CNKSR2: variants seen among roughly 807,000 people sequenced by gnomAD.
CNKSR2 encodes the protein CNK homolog protein 2.
CNKSR2 carries 14 observed loss-of-function variants against 84.4 expected under a neutral mutation model. The ratio of observed to expected loss-of-function variants is 0.17; its 90% CI spans 0.11 to 0.26. CNKSR2 has a LOEUF of 0.26. Ranked by LOEUF, CNKSR2 falls within the 10% of genes least tolerant of loss-of-function variation. The pLI is 1.00. For synonymous variants in CNKSR2, 275 were observed against 277.9 expected (o/e 0.99, Z 0.10); for missense variants, 485 against 771.2 (o/e 0.63, Z 4.40).
intron 20 of CNKSR2, chrX:21,641,909 A>C: frequency 1.2e-6 from 1 of 808,125 alleles, no homozygotes; most frequent in Non-Finnish European, 1.5e-6. Context: ...TCTGTGGGAG[A>C]ACAGAAGGGG....
intron 21 of CNKSR2, among the ~76,000 whole-genome samples, chrX:21,650,138 T>C (rs1229721313): frequency 5.4e-5 from 6 of 111,442 alleles, no homozygotes; most frequent in African/African-American, 2.0e-4. Context: ...ATGTTTATTG[T>C]GGCACTGTTC....
At chrX:21,391,403 A>T (rs1056766484) in intron 1 of CNKSR2, among the ~76,000 whole-genome samples, 4 of 112,443 alleles carry the variant, frequency 3.6e-5, no homozygotes, top group Non-Finnish European at 5.6e-5. Context: ...CCCAAGCCTC[A>T]ACTCTTACCC....
intron 10 of CNKSR2, among the ~76,000 whole-genome samples, chrX:21,529,393 ATTTCT>A (rs1484326968): frequency 1.8e-5 from 2 of 111,077 alleles, no homozygotes; most frequent in African/African-American, 6.5e-5. Flanking sequence ...ACTTAACCAA[ATTTCT>A]TTTTCTATGA....
intron 13 of CNKSR2, among the ~76,000 whole-genome samples, chrX:21,574,511 C>G (rs2092306784): frequency 8.9e-6 from 1 of 111,802 alleles, no homozygotes; most frequent in African/African-American, 3.3e-5. Flanking sequence ...TGTCTTTCTT[C>G]ACATGGTGAC....
intron 11 of CNKSR2, among the ~76,000 whole-genome samples, chrX:21,534,817 T>A (rs1194123861): frequency 9.0e-6 from 1 of 111,352 alleles, no homozygotes; most frequent in Non-Finnish European, 1.9e-5. Flanking sequence ...TTGAGTTCCT[T>A]GCATATTCTG....
intron 2 of CNKSR2, among the ~76,000 whole-genome samples, chrX:21,431,823 TAGATA>T (rs747760808): frequency 1.1e-4 from 12 of 111,672 alleles, no homozygotes; most frequent in Middle Eastern, 9.3e-3. Context: ...TAAAGTATAA[TAGATA>T]AGATATTTAG....
At chrX:21,579,057 T>C (rs1476598188) in intron 13 of CNKSR2, among the ~76,000 whole-genome samples, 1 of 112,069 alleles carries the variant, frequency 8.9e-6, no homozygotes, top group Non-Finnish European at 1.9e-5. Context: ...ACCTGGCTGC[T>C]GACTCACACC....
intron 13 of CNKSR2, among the ~76,000 whole-genome samples, chrX:21,578,793 G>T (rs190094530): frequency 8.9e-6 from 1 of 111,832 alleles, no homozygotes; most frequent in Non-Finnish European, 1.9e-5. Context: ...TCTCTAAGTG[G>T]CATGGAATAA....
chrX:21,470,092 A>G (rs915295293), intron 4 of CNKSR2, among the ~76,000 whole-genome samples: 3 of 111,628 alleles, frequency 2.7e-5, no homozygotes, highest in Non-Finnish European at 5.6e-5. Context: ...CCATAGAAAC[A>G]TTGTCTCTAA....
Position 21,387,731 on chromosome X carries a change from T to G in CNKSR2, c.64+12770T>G, listed in dbSNP as rs895839415. Among the ~76,000 whole-genome samples, 5 of 111,044 alleles carry G rather than the reference T, an allele frequency of 4.5e-5. No homozygotes were observed. The Admixed American group carries it at 4.8e-4, about 11-fold the overall frequency. On this transcript the variant is annotated intron_variant, in intron 1 of 21. Coordinates refer to ENST00000379510, the MANE Select transcript of CNKSR2 (RefSeq NM_014927.5). Reference sequence around the variant, plus strand: ...TACATAACAGATGTTATGTAATATCTCCTGAAATAAAATTCAGATAATATA... The same window carrying G: ...TACATAACAGATGTTATGTAATATCGCCTGAAATAAAATTCAGATAATATA...
At chrX:21,596,637 C>T (rs2092452272) in intron 17 of CNKSR2, among the ~76,000 whole-genome samples, 1 of 108,351 alleles carries the variant, frequency 9.2e-6, no homozygotes, top group Non-Finnish European at 1.9e-5. Flanking sequence ...TAATCTTGTT[C>T]TTTGACATTT....
chrX:21,376,157 A>AACAACAGTCT (rs2089812129), intron 1 of CNKSR2, among the ~76,000 whole-genome samples: 1 of 112,639 alleles, frequency 8.9e-6, no homozygotes, highest in South Asian at 3.7e-4. Context: ...CTTAACAGTC[A>AACAACAGTCT]GACTTTCTAA....
At chrX:21,515,089 C>G (rs2091713706) in intron 8 of CNKSR2, among the ~76,000 whole-genome samples, 1 of 110,669 alleles carries the variant, frequency 9.0e-6, no homozygotes, top group Admixed American at 9.6e-5. Context: ...GTATAATGAT[C>G]ATTTTGATTC....
chrX:21,540,823 T>A (rs188193188), intron 11 of CNKSR2, among the ~76,000 whole-genome samples: 2 of 112,301 alleles, frequency 1.8e-5, no homozygotes, highest in African/African-American at 6.5e-5. Flanking sequence ...TATGACACAG[T>A]TCTTCATATG....
At chrX:21,491,798 T>G (rs1374277795) in intron 6 of CNKSR2, 1 of 112,080 alleles carries the variant, frequency 8.9e-6, no homozygotes, top group Non-Finnish European at 1.9e-5. Context: ...ATCTACAAAG[T>G]CCAGTTTTAT....
intron 10 of CNKSR2, among the ~76,000 whole-genome samples, chrX:21,530,879 G>T (rs1487391080): frequency 1.8e-5 from 2 of 110,524 alleles, no homozygotes; most frequent in African/African-American, 6.6e-5. Flanking sequence ...TGCAGTGTGT[G>T]AGTAATAGGT....
intron 1 of CNKSR2, among the ~76,000 whole-genome samples, chrX:21,395,515 A>G (rs1252037170): frequency 9.0e-6 from 1 of 111,007 alleles, no homozygotes; most frequent in African/African-American, 3.3e-5. Flanking sequence ...TCATTTGTTA[A>G]AAACACATAA....
At chrX:21,436,903 A>G (rs2090713866) in intron 3 of CNKSR2, among the ~76,000 whole-genome samples, 1 of 111,704 alleles carries the variant, frequency 9.0e-6, no homozygotes. Flanking sequence ...TCATCATACC[A>G]AACCTTAAAA....
chrX:21,549,130 T>A (rs2092059001), intron 11 of CNKSR2, among the ~76,000 whole-genome samples: 1 of 112,353 alleles, frequency 8.9e-6, no homozygotes, highest in African/African-American at 3.2e-5. Context: ...AGAAGTCAAT[T>A]TGTCCCTGTT....
Sources: allele counts gnomAD v4.1 joint callset (sites outside exome capture counted in the v4.1 genomes callset), GRCh38; gene constraint gnomAD v4.1.1; transcripts MANE v1.5; gene names NCBI Gene and HGNC (gene_info 2026-07-23, HGNC 2026-07-21).